Variants in SPTBN1 observed in about 807,000 individuals in gnomAD.
The protein encoded by SPTBN1 is spectrin beta chain, non-erythrocytic 1.
In SPTBN1, 32 loss-of-function variants were observed where a neutral mutation model predicts 266.4. That is an observed-to-expected ratio of 0.12 (90% CI 0.09 to 0.16). The LOEUF (loss-of-function observed/expected upper bound fraction) is 0.16, where lower values mean the gene tolerates loss of function less well. Ranked by LOEUF, SPTBN1 falls within the 10% of genes least tolerant of loss-of-function variation. The pLI is 1.00. For synonymous variants in SPTBN1, 1,336 were observed against 1,162.2 expected, an observed-to-expected ratio of 1.15 and a Z score of -3.04; for missense variants, 2,296 against 3,067.1, an observed-to-expected ratio of 0.75 and a Z score of 5.94.
intron 1 of SPTBN1, among the ~76,000 whole-genome samples, chr2:54,462,747 C>G (rs756214349): frequency 6.6e-6 from 1 of 152,178 alleles, no homozygotes; most frequent in Non-Finnish European, 1.5e-5. Context: ...AACCTTTAAC[C>G]CTCCGGTCTC....
At chr2:54,464,284 A>G (rs13391816) in intron 1 of SPTBN1, among the ~76,000 whole-genome samples, 5,438 of 152,318 alleles carry the variant, frequency 0.036, 122 homozygotes, top group South Asian at 0.076. Flanking sequence ...ATGTTTTTTA[A>G]TGGAACATAA....
At chr2:54,487,800 A>G (rs1170722218) in intron 1 of SPTBN1, among the ~76,000 whole-genome samples, 1 of 138,672 alleles carries the variant, frequency 7.2e-6, no homozygotes, top group African/African-American at 2.7e-5. Context: ...TAATATAGTG[A>G]TATTAATTCA....
In SPTBN1 at chr2:54,649,480, C is replaced by G. The variant is rs1232056085; in HGVS notation, c.5203-135C>G. The G allele has an allele frequency of 1.5e-6, 2 of 1,361,156 alleles. No homozygotes were observed. Among genetic ancestry groups the G allele is most frequent in the Non-Finnish European group, 2.0e-6 (2 of 1,017,286 alleles). The allele number at this position is 1,361,156 out of a possible 1,614,324, so 84.3% of individuals were successfully genotyped here. The stretch of plus-strand genomic sequence containing the variant: ...TGCTAAGAGGTTCTCGAGCTAAGAT[C>G]TATTGTTCTGAAGTCATGAGTATTA... On this transcript the variant is annotated intron_variant, in intron 25 of 35. Transcript: ENST00000356805. This position sits in a 1 kb window ranked among gnomAD's most constrained non-coding sequence, Gnocchi z 6.7.
intron 2 of SPTBN1, among the ~76,000 whole-genome samples, chr2:54,577,466 T>A (rs1674570834): frequency 2.0e-5 from 3 of 152,154 alleles, no homozygotes; most frequent in African/African-American, 7.2e-5. Context: ...AGAAAAGGTA[T>A]ATGGATTCTC....
At chr2:54,605,438 A>G (rs1461649069) in intron 3 of SPTBN1, among the ~76,000 whole-genome samples, 1 of 152,240 alleles carries the variant, frequency 6.6e-6, no homozygotes, top group Non-Finnish European at 1.5e-5. Context: ...CAGGAATAGT[A>G]ATTATTATAA....
chr2:54,529,439 G>T, intron 2 of SPTBN1: 2 of 708,666 alleles, frequency 2.8e-6, no homozygotes, highest in Non-Finnish European at 2.6e-6. Flanking sequence ...GTTGAAAGGT[G>T]TCCACGGCCA....
intron 1 of SPTBN1, among the ~76,000 whole-genome samples, chr2:54,508,526 C>T (rs956501862): frequency 1.4e-5 from 2 of 141,370 alleles, no homozygotes; most frequent in African/African-American, 6.4e-5. Flanking sequence ...GGTGGGCTAG[C>T]GGGTTCTAAG....
intron 2 of SPTBN1, among the ~76,000 whole-genome samples, chr2:54,588,319 C>T (rs537021009): frequency 6.6e-6 from 1 of 152,114 alleles, no homozygotes; most frequent in South Asian, 2.1e-4. Context: ...TTAACTCAGT[C>T]TGAAGGAACT....
intron 1 of SPTBN1, among the ~76,000 whole-genome samples, chr2:54,498,279 A>G (rs10169013): frequency 0.051 from 7,725 of 152,210 alleles, 650 homozygotes; most frequent in African/African-American, 0.17. Flanking sequence ...GCTGCCGGCC[A>G]TGTGTGTGGC....
At chr2:54,651,502 T>G (rs910532147) in intron 26 of SPTBN1, among the ~76,000 whole-genome samples, 8 of 152,210 alleles carry the variant, frequency 5.3e-5, no homozygotes, top group Non-Finnish European at 8.8e-5. Flanking sequence ...ACATGGTGCT[T>G]CTTCTTTGGT....
intron 1 of SPTBN1, among the ~76,000 whole-genome samples, chr2:54,464,180 C>T (rs1360077596): frequency 6.6e-6 from 1 of 152,154 alleles, no homozygotes; most frequent in Non-Finnish European, 1.5e-5. Flanking sequence ...ACTGAAATCT[C>T]ACATGTAGCT....
At chr2:54,556,340 G>A (rs1672873700) in intron 2 of SPTBN1, among the ~76,000 whole-genome samples, 1 of 152,156 alleles carries the variant, frequency 6.6e-6, no homozygotes, top group African/African-American at 2.4e-5. Context: ...TTCAGTGTTG[G>A]CTTCACAGGA....
chr2:54,581,343 C>A (rs554227050), intron 2 of SPTBN1, among the ~76,000 whole-genome samples: 1 of 152,078 alleles, frequency 6.6e-6, no homozygotes, highest in Admixed American at 6.5e-5. Flanking sequence ...AGGGGATGCT[C>A]TAAATTGAGG....
chr2:54,601,127 TGAA>T (rs1306668175), intron 3 of SPTBN1, among the ~76,000 whole-genome samples: 1 of 152,264 alleles, frequency 6.6e-6, no homozygotes, highest in East Asian at 1.9e-4. Flanking sequence ...AGAGTAAGGA[TGAA>T]GAAGATGGTA....
intron 2 of SPTBN1, among the ~76,000 whole-genome samples, chr2:54,569,515 C>T (rs951802436): frequency 4.6e-5 from 7 of 152,296 alleles, no homozygotes; most frequent in South Asian, 2.1e-4. Context: ...TATACACACA[C>T]GTGCAGTTTA....
chr2:54,642,946 G>A, intron 18 of SPTBN1, 37 bp from the exon 19 acceptor site: 1 of 1,595,006 alleles, frequency 6.3e-7, no homozygotes, highest in Non-Finnish European at 8.6e-7. Flanking sequence ...CTGATGTCTA[G>A]GATCACAATC....
Position 54,649,943 on chromosome 2 carries a change from G to T in SPTBN1, c.5531G>T (p.Arg1844Ile). 1 of 1,614,014 alleles carries T rather than the reference G, an allele frequency of 6.2e-7. No individual in the cohort carries two copies. The highest frequency in any genetic ancestry group is 1.1e-5 in the South Asian group (1 of 91,062). ...RDQNTVETLQ[R>I]MHTTFEHDIQ... ...CAGAACACAGTGGAGACCTTACAGA[G>T]AATGCACACTACATTTGAGCATGAC... is the stretch of plus-strand genomic sequence containing the variant. Residue 1844 changes from arginine (R) to isoleucine (I), a missense_variant, in exon 26 of 36, where the codon AGA becomes ATA. Coordinates refer to ENST00000356805, the MANE Select transcript of SPTBN1 (RefSeq NM_003128.3). This position sits in a 1 kb window ranked among gnomAD's most constrained non-coding sequence, Gnocchi z 6.7.
At chr2:54,650,163 A>G (rs1431635033) in intron 26 of SPTBN1, among the ~76,000 whole-genome samples, 174 bp downstream of exon 26, 1 of 152,240 alleles carries the variant, frequency 6.6e-6, no homozygotes, top group East Asian at 1.9e-4. Context: ...ATCAGTCCAT[A>G]AAGGTCTACG....
chr2:54,580,555 A>C (rs1434591325), intron 2 of SPTBN1, among the ~76,000 whole-genome samples: 1 of 151,844 alleles, frequency 6.6e-6, no homozygotes, highest in Non-Finnish European at 1.5e-5. Context: ...TGTGTGTTGG[A>C]GGATGGATTA....
Sources: allele counts gnomAD v4.1 joint callset (sites outside exome capture counted in the v4.1 genomes callset), GRCh38; gene constraint gnomAD v4.1.1; non-coding constraint Gnocchi (gnomAD v3.1); transcripts MANE v1.5; gene names NCBI Gene and HGNC (gene_info 2026-07-23, HGNC 2026-07-21).